The following DET1 variants were observed in gnomAD, a reference collection of about 807,000 sequenced individuals.
DET1 encodes the protein DET1 homolog.
DET1 carries 22 observed loss-of-function variants against 43.7 expected under a neutral mutation model. The ratio of observed to expected loss-of-function variants is 0.50; its 90% confidence interval spans 0.36 to 0.72. The LOEUF (loss-of-function observed/expected upper bound fraction) is 0.72. DET1 is among the 30% of genes least tolerant of loss of function. The pLI is 0.00. For missense variants in DET1, 713 were observed against 713.3 expected, an observed-to-expected ratio of 1.00 and a Z score of 0.00; for synonymous variants, 315 against 266.2, an observed-to-expected ratio of 1.18 and a Z score of -1.79.
chr15:88,511,431 C>T (rs2056200117), downstream of DET1: 2 of 985,380 alleles, frequency 2.0e-6, no homozygotes, highest in African/African-American at 1.7e-5. Flanking sequence ...TGCTTATTTA[C>T]CATTTTCATA....
chr15:88,503,604 A>G (rs1411577780), intron 8 of DET1: 1 of 152,194 alleles, frequency 6.6e-6, no homozygotes, highest in East Asian at 1.9e-4. Context: ...GGAATACTGC[A>G]TTTTTCAGAG....
chr15:88,520,381 A>T (rs1487911401), intron 3 of DET1, among the ~76,000 whole-genome samples: 1 of 152,152 alleles, frequency 6.6e-6, no homozygotes, highest in African/African-American at 2.4e-5. Context: ...ATCTCACTCA[A>T]ACTACTCTTG....
At chr15:88,534,225 A>G (rs1598342012) in intron 1 of DET1, among the ~76,000 whole-genome samples, 1 of 152,240 alleles carries the variant, frequency 6.6e-6, no homozygotes, top group South Asian at 2.1e-4. Context: ...ATCACAGGCC[A>G]TAAAAGTCAA....
chr15:88,540,280 C>A (rs1028319441), intron 1 of DET1, among the ~76,000 whole-genome samples: 28 of 152,156 alleles, frequency 1.8e-4, no homozygotes, highest in Admixed American at 1.3e-4. Context: ...AGGCTGGCCT[C>A]TAGTCCCCCT....
intron 1 of DET1, among the ~76,000 whole-genome samples, chr15:88,535,620 G>A (rs973713818): frequency 1.3e-5 from 2 of 152,050 alleles, no homozygotes; most frequent in Non-Finnish European, 2.9e-5. Context: ...GCCGGGCACA[G>A]TGGTGTGCAC....
At chr15:88,530,583 A>T (rs2056783358) in intron 2 of DET1, 40 bp downstream of exon 2, 1 of 1,535,186 alleles carries the variant, frequency 6.5e-7, no homozygotes, top group African/African-American at 1.4e-5. Flanking sequence ...CATTTTGCCA[A>T]GGAGATTAGA....
At chr15:88,519,358 C>G (rs770378527) in intron 3 of DET1, among the ~76,000 whole-genome samples, 4 of 152,164 alleles carry the variant, frequency 2.6e-5, no homozygotes, top group Non-Finnish European at 4.4e-5. Context: ...TTTACAGCAC[C>G]ATAGCCTCCT....
intron 3 of DET1, among the ~76,000 whole-genome samples, chr15:88,520,760 C>T (rs1196869480): frequency 6.6e-6 from 1 of 152,176 alleles, no homozygotes; most frequent in Non-Finnish European, 1.5e-5. Flanking sequence ...CACTGTTAAA[C>T]AACAAATAAT....
chr15:88,537,610 T>C (rs1343456812), intron 1 of DET1, among the ~76,000 whole-genome samples: 1 of 152,180 alleles, frequency 6.6e-6, no homozygotes, highest in Non-Finnish European at 1.5e-5. Flanking sequence ...GAGATGAAGA[T>C]CTTACTTATG....
At chr15:88,543,592 C>T (rs75085932) in intron 1 of DET1, among the ~76,000 whole-genome samples, 1 of 152,196 alleles carries the variant, frequency 6.6e-6, no homozygotes, top group African/African-American at 2.4e-5. Context: ...TCTCAAGCAG[C>T]GAGTATGAAA....
Position 88,504,551 on chromosome 15 carries a change from C to T in DET1, c.*2066-564G>A, listed in dbSNP as rs2056119677. On this transcript the variant is annotated intron_variant and NMD_transcript_variant, in intron 7 of 8. Coordinates refer to the DET1 transcript ENST00000557842. The surrounding 1 kb of genome is among the most constrained non-coding windows in gnomAD (Gnocchi z 4.7). ...CTTGACATCTTGGGGCTGTACTGACCCTGGACTGCCCCTCCCAGAGTTTGC... is the reference window on the plus strand; with the variant it reads ...CTTGACATCTTGGGGCTGTACTGACTCTGGACTGCCCCTCCCAGAGTTTGC... The T allele has an allele frequency of 6.6e-6, 1 of 152,026 alleles. No homozygotes were observed. The highest frequency in any genetic ancestry group is 2.4e-5 in the African/African-American group (1 of 41,374). The allele number at this position is 152,026 out of a possible 1,614,324, so 9.4% of individuals were successfully genotyped here.
chr15:88,536,312 C>G lies in DET1; in HGVS notation c.-10-4597G>C, dbSNP rs201510601. On this transcript the variant is annotated intron_variant, in intron 1 of 4. Transcript: ENST00000268148. The stretch of plus-strand genomic sequence containing the variant: ...CTCTTCCTGAAATTAAGTTGTTTAC[C>G]TTTTTAGTATCTGTCCCACCATACC... 135 of 777,908 alleles carry G rather than the reference C, an allele frequency of 1.7e-4. 1 individual carries two copies. The highest frequency in any genetic ancestry group is 4.4e-4 in the Admixed American group (26 of 58,742). 48.2% of individuals were successfully genotyped at this position (777,908 alleles called of 1,614,324 possible). A position where few individuals can be genotyped will look rare whatever the true frequency, so the allele number is the denominator to read the frequency against.
intron 2 of DET1, among the ~76,000 whole-genome samples, chr15:88,528,130 T>C (rs868223212): frequency 3.0e-4 from 45 of 152,314 alleles, no homozygotes; most frequent in African/African-American, 1.0e-3. Context: ...ATTCAATATT[T>C]TTCCTTCCAA....
intron 1 of DET1, among the ~76,000 whole-genome samples, chr15:88,532,301 TCAAA>T (rs71853051): frequency 0.43 from 64,849 of 151,516 alleles, 14,965 homozygotes; most frequent in East Asian, 0.65. Flanking sequence ...AGACTCTATC[TCAAA>T]CAAACAAACA....
At chr15:88,513,176 G>A (rs2056240523) in intron 4 of DET1, 36 bp from the exon 5 acceptor site, 1 of 1,560,282 alleles carries the variant, frequency 6.4e-7, no homozygotes, top group South Asian at 1.2e-5. Context: ...AGAAAGAGGG[G>A]ACAGGATTGA....
chr15:88,545,871 G>A (rs2057239127), intron 1 of DET1, among the ~76,000 whole-genome samples: 1 of 150,302 alleles, frequency 6.7e-6, no homozygotes, highest in Non-Finnish European at 1.5e-5. Context: ...ATCCAAGAAT[G>A]CAATTAACTG....
intron 3 of DET1, among the ~76,000 whole-genome samples, chr15:88,518,097 C>G (rs895544031): frequency 7.4e-6 from 1 of 135,504 alleles, no homozygotes; most frequent in African/African-American, 2.9e-5. Flanking sequence ...TGCCACCACA[C>G]CCAGCTAATT....
At chr15:88,535,540 G>C (rs956984181) in intron 1 of DET1, among the ~76,000 whole-genome samples, 7 of 152,156 alleles carry the variant, frequency 4.6e-5, no homozygotes, top group African/African-American at 1.4e-4. Context: ...CAAATTGCTT[G>C]AGCCCAGGAG....
At chr15:88,539,565 G>A (rs1487202952) in intron 1 of DET1, among the ~76,000 whole-genome samples, 1 of 151,960 alleles carries the variant, frequency 6.6e-6, no homozygotes, top group East Asian at 1.9e-4. Context: ...TTGTTTAGTG[G>A]TTGTCAAGGT....
Sources: allele counts gnomAD v4.1 joint callset (sites outside exome capture counted in the v4.1 genomes callset), GRCh38; gene constraint gnomAD v4.1.1; non-coding constraint Gnocchi (gnomAD v3.1); transcripts MANE v1.5; gene names NCBI Gene and HGNC (gene_info 2026-07-23, HGNC 2026-07-21).